The following SCFD2 variants were observed in gnomAD, a reference collection of about 807,000 sequenced individuals.
SCFD2 encodes the protein sec1 family domain-containing protein 2.
SCFD2 carries 54 observed loss-of-function variants against 58.9 expected under a neutral mutation model. The observed-to-expected ratio is 0.92, with a 90% CI of 0.74 to 1.15. SCFD2 has a LOEUF of 1.15. Among genes scored for constraint, SCFD2 ranks in the 50% most tolerant of loss-of-function variants. SCFD2 has a pLI of 0.00. For missense variants in SCFD2, 805 were observed against 836.6 expected (o/e 0.96, Z 0.47); for synonymous variants, 321 against 335.9 (o/e 0.96, Z 0.49).
intron 5 of SCFD2, among the ~76,000 whole-genome samples, chr4:53,091,484 C>G (rs1453887123): frequency 1.3e-5 from 2 of 152,022 alleles, no homozygotes; most frequent in African/African-American, 4.8e-5. Flanking sequence ...TATATATTGT[C>G]TCTGATGATT....
chr4:52,908,390 G>C (rs185856559), intron 6 of SCFD2, among the ~76,000 whole-genome samples: 1 of 151,996 alleles, frequency 6.6e-6, no homozygotes, highest in African/African-American at 2.4e-5. Flanking sequence ...TTCTTTTCTC[G>C]CTTGGTGGAC....
intron 5 of SCFD2, among the ~76,000 whole-genome samples, chr4:53,109,570 C>A (rs1725107518): frequency 1.3e-5 from 2 of 152,028 alleles, no homozygotes; most frequent in African/African-American, 4.8e-5. Context: ...TCCTATACAC[C>A]AATAATAGAA....
At chr4:53,056,997 A>G (rs1723359886) in intron 5 of SCFD2, among the ~76,000 whole-genome samples, 1 of 152,174 alleles carries the variant, frequency 6.6e-6, no homozygotes, top group African/African-American at 2.4e-5. Flanking sequence ...AGCCTGGCCA[A>G]CATGGTGAAA....
In SCFD2 at chr4:52,873,887, T is replaced by G; in HGVS notation, c.*82A>C. ...TCGCAATTAGTGACAGGGACGCTGG[T>G]TGTGGAGGAGTATTTGGAGTGGTGG... On this transcript the variant is annotated 3_prime_UTR_variant, in exon 9 of 9. Coordinates refer to ENST00000401642, the MANE Select transcript of SCFD2 (RefSeq NM_152540.4). 2 of 930,162 alleles carry G rather than the reference T, an allele frequency of 2.2e-6. No individual in the cohort carries two copies. Among genetic ancestry groups the G allele is most frequent in the Non-Finnish European group, 3.5e-6 (2 of 569,604 alleles). 57.6% of individuals were successfully genotyped at this position (930,162 alleles called of 1,614,324 possible).
chr4:52,997,777 C>A (rs779422105), intron 5 of SCFD2, among the ~76,000 whole-genome samples: 9 of 152,178 alleles, frequency 5.9e-5, no homozygotes, highest in Non-Finnish European at 1.0e-4. Flanking sequence ...CAAACCCCAA[C>A]TATTTGATGA....
chr4:53,144,507 T>C (rs538198120), intron 5 of SCFD2, among the ~76,000 whole-genome samples: 1 of 148,136 alleles, frequency 6.8e-6, no homozygotes, highest in Admixed American at 6.8e-5. Flanking sequence ...CACACAGGTA[T>C]ATATACATTG....
intron 6 of SCFD2, among the ~76,000 whole-genome samples, chr4:52,919,029 C>A (rs1719672521): frequency 6.6e-6 from 1 of 152,082 alleles, no homozygotes; most frequent in African/African-American, 2.4e-5. Flanking sequence ...GGGACATATG[C>A]GACAAAGGGA....
chr4:53,050,278 T>G (rs1307982889), intron 5 of SCFD2, among the ~76,000 whole-genome samples: 1 of 152,196 alleles, frequency 6.6e-6, no homozygotes, highest in Non-Finnish European at 1.5e-5. Flanking sequence ...TGATTAGACA[T>G]TTTCAAAATG....
rs182713920 is a variant in SCFD2 at position 53,125,905 on chromosome 4, G to T, written c.1561+19428C>A. Among the ~76,000 whole-genome samples, 18 of 152,252 alleles carry T rather than the reference G, an allele frequency of 1.2e-4. No individual in the cohort carries two copies. In the East Asian group the frequency reaches 3.5e-3, roughly 29 times the overall value. ...TCCATCCAGGTTGGGAAGAGTATGG[G>T]AGAGCATCCAGAAAGGACTACAGAA... On this transcript the variant is annotated intron_variant, in intron 5 of 8. Transcript: ENST00000401642.
chr4:53,283,923 C>T (rs1331394814), intron 3 of SCFD2, among the ~76,000 whole-genome samples: 2 of 151,820 alleles, frequency 1.3e-5, no homozygotes, highest in African/African-American at 4.8e-5. Flanking sequence ...CGAGACCATC[C>T]TGGTTAACAC....
At chr4:53,329,251 A>C (rs886484181) in intron 2 of SCFD2, among the ~76,000 whole-genome samples, 4 of 152,212 alleles carry the variant, frequency 2.6e-5, no homozygotes, top group African/African-American at 7.2e-5. Flanking sequence ...CCACAGCTCA[A>C]GGAGGCCTGC....
At chr4:53,150,084 T>C (rs1464739997) in intron 4 of SCFD2, among the ~76,000 whole-genome samples, 1 of 152,178 alleles carries the variant, frequency 6.6e-6, no homozygotes, top group Non-Finnish European at 1.5e-5. Flanking sequence ...ACCACAGTAG[T>C]ATAAGATTCT....
intron 5 of SCFD2, among the ~76,000 whole-genome samples, chr4:52,974,199 G>A (rs925777416): frequency 1.1e-4 from 16 of 152,148 alleles, no homozygotes; most frequent in African/African-American, 3.4e-4. Context: ...GAAATAAAGG[G>A]CATTCAATTA....
At chr4:53,304,119 G>T (rs1477883887) in intron 3 of SCFD2, among the ~76,000 whole-genome samples, 1 of 150,958 alleles carries the variant, frequency 6.6e-6, no homozygotes, top group Non-Finnish European at 1.5e-5. Context: ...AAAAAGAAAA[G>T]AAAATTCTTT....
chr4:53,009,886 C>T (rs1722058433), intron 5 of SCFD2, among the ~76,000 whole-genome samples: 2 of 152,308 alleles, frequency 1.3e-5, no homozygotes, highest in African/African-American at 2.4e-5. Flanking sequence ...CCTGTAAACA[C>T]CTTCAGTCTG....
At chr4:52,986,491 A>AT (rs369944739) in intron 5 of SCFD2, among the ~76,000 whole-genome samples, 30,936 of 85,260 alleles carry the variant, frequency 0.36, 6,321 homozygotes, top group East Asian at 0.43. Context: ...TCTTCATGAA[A>AT]TTTTTTTTTT....
At chr4:53,243,905 C>A (rs1729980424) in intron 4 of SCFD2, among the ~76,000 whole-genome samples, 1 of 152,010 alleles carries the variant, frequency 6.6e-6, no homozygotes, top group Non-Finnish European at 1.5e-5. Flanking sequence ...CTGTTTTTCT[C>A]ATTTTTAAAT....
intron 4 of SCFD2, among the ~76,000 whole-genome samples, chr4:53,252,206 T>C (rs1343395569): frequency 2.2e-5 from 3 of 136,840 alleles, no homozygotes; most frequent in African/African-American, 8.1e-5. Flanking sequence ...CAAGGAGAAC[T>C]ACAAACCACT....
At chr4:53,240,143 G>C (rs757319300) in intron 4 of SCFD2, among the ~76,000 whole-genome samples, 10 of 152,182 alleles carry the variant, frequency 6.6e-5, no homozygotes, top group Non-Finnish European at 1.2e-4. Flanking sequence ...TTTTGCTCCA[G>C]TGGTTTTGCC....
Sources: gnomAD v4.1 joint callset for allele counts (sites outside exome capture counted in the v4.1 genomes callset) on GRCh38, gnomAD v4.1.1 for gene constraint, MANE v1.5 for transcripts, NCBI Gene and HGNC (gene_info 2026-07-23, HGNC 2026-07-21) for gene names.